The following IMPG1 variants were observed in gnomAD, a reference collection of about 807,000 sequenced individuals.
IMPG1 encodes interphotoreceptor matrix proteoglycan of 150 kDa.
IMPG1 carries 85 observed loss-of-function variants against 92.0 expected under a neutral mutation model. The ratio of observed to expected loss-of-function variants is 0.92; its 90% CI spans 0.78 to 1.11. IMPG1 has a LOEUF of 1.11. Ranked by LOEUF, IMPG1 falls within the 50% of genes least tolerant of loss-of-function variation. The pLI, the probability that IMPG1 is intolerant of heterozygous loss-of-function variation, is 0.00. For synonymous variants in IMPG1, 367 were observed against 334.1 expected, an observed-to-expected ratio of 1.10 and a Z score of -1.08; for missense variants, 1,022 against 956.0, an observed-to-expected ratio of 1.07 and a Z score of -0.91.
intron 12 of IMPG1, among the ~76,000 whole-genome samples, chr6:75,979,346 T>C (rs1202854728): frequency 6.6e-6 from 1 of 152,130 alleles, no homozygotes; most frequent in African/African-American, 2.4e-5. Flanking sequence ...ATATGTTGTG[T>C]AGAGGTGGAT....
chr6:76,047,712 T>A (rs930852453), intron 1 of IMPG1, among the ~76,000 whole-genome samples: 4 of 152,202 alleles, frequency 2.6e-5, no homozygotes, highest in African/African-American at 9.6e-5. Context: ...TGTGTGGAAA[T>A]ATTAATGGGA....
chr6:75,997,345 CTT>C (rs1782919742), intron 12 of IMPG1, among the ~76,000 whole-genome samples: 1 of 152,214 alleles, frequency 6.6e-6, no homozygotes, highest in African/African-American at 2.4e-5. Context: ...TCTTAAAACT[CTT>C]TCAAGTCTTA....
intron 12 of IMPG1, among the ~76,000 whole-genome samples, chr6:75,971,121 T>C (rs1273407676): frequency 6.6e-6 from 1 of 152,068 alleles, no homozygotes; most frequent in African/African-American, 2.4e-5. Flanking sequence ...ATATACACCA[T>C]GGAATACTAT....
intron 1 of IMPG1, among the ~76,000 whole-genome samples, chr6:76,068,510 C>CCT (rs1784349385): frequency 9.1e-6 from 1 of 110,194 alleles, no homozygotes; most frequent in African/African-American, 3.5e-5. Context: ...AATGTCCATA[C>CCT]TTTTTTTTTT....
intron 1 of IMPG1, among the ~76,000 whole-genome samples, chr6:76,063,375 A>G (rs1182303712): frequency 6.6e-6 from 1 of 152,178 alleles, no homozygotes; most frequent in Non-Finnish European, 1.5e-5. Context: ...ACAGGAAAAG[A>G]AGGAAGCAAG....
At chr6:75,947,254 G>C in intron 14 of IMPG1, 60 bp downstream of exon 14, 2 of 1,308,766 alleles carry the variant, frequency 1.5e-6, no homozygotes, top group East Asian at 2.4e-5. Flanking sequence ...CTTAAAAACA[G>C]AACGAAATTA....
intron 2 of IMPG1, among the ~76,000 whole-genome samples, chr6:76,041,381 G>A (rs970031306): frequency 1.3e-5 from 2 of 152,130 alleles, no homozygotes; most frequent in Non-Finnish European, 2.9e-5. Flanking sequence ...CTCTTTATTT[G>A]TTTCTCCTCT....
intron 5 of IMPG1, among the ~76,000 whole-genome samples, chr6:76,023,460 A>T (rs1403890121): frequency 1.3e-5 from 2 of 152,200 alleles, no homozygotes; most frequent in African/African-American, 2.4e-5. Flanking sequence ...AAGATAAATT[A>T]TTCACATACT....
chr6:75,980,761 T>C (rs1474090512), intron 12 of IMPG1, among the ~76,000 whole-genome samples: 1 of 152,220 alleles, frequency 6.6e-6, no homozygotes, highest in Non-Finnish European at 1.5e-5. Context: ...TCTTCCTTGC[T>C]CCTCAACTTG....
At chr6:75,997,023 T>G (rs1782912770) in intron 12 of IMPG1, among the ~76,000 whole-genome samples, 1 of 152,238 alleles carries the variant, frequency 6.6e-6, no homozygotes, top group African/African-American at 2.4e-5. Flanking sequence ...ACTGAAATTC[T>G]GAAGGACATA....
intron 1 of IMPG1, among the ~76,000 whole-genome samples, chr6:76,051,634 G>A (rs1480472791): frequency 1.3e-5 from 2 of 152,170 alleles, no homozygotes; most frequent in Non-Finnish European, 2.9e-5. Context: ...CAGCATGCAT[G>A]CTGATTATCA....
intron 5 of IMPG1, 46 bp from the exon 6 acceptor site, chr6:76,022,265 A>T (rs778935268): frequency 1.9e-6 from 2 of 1,060,500 alleles, no homozygotes; most frequent in South Asian, 2.6e-5. Context: ...AGAATGGAGG[A>T]GTTTAAATTA....
intron 1 of IMPG1, among the ~76,000 whole-genome samples, chr6:76,050,722 T>C (rs1365673077): frequency 6.6e-6 from 1 of 152,210 alleles, no homozygotes; most frequent in Admixed American, 6.6e-5. Flanking sequence ...ATTCTCTTTC[T>C]TGGCTACATA....
At chr6:76,069,600 T>A (rs964441806) in intron 1 of IMPG1, among the ~76,000 whole-genome samples, 3 of 152,136 alleles carry the variant, frequency 2.0e-5, no homozygotes, top group African/African-American at 7.2e-5. Flanking sequence ...AACTACCATT[T>A]GACCCAGCAA....
At chr6:76,028,609 C>G (rs1163096099) in intron 4 of IMPG1, among the ~76,000 whole-genome samples, 1 of 152,182 alleles carries the variant, frequency 6.6e-6, no homozygotes, top group Non-Finnish European at 1.5e-5. Context: ...GCGGGTGGAT[C>G]ACAAGGTCAG....
chr6:75,963,543 G>A (rs1173120062), intron 12 of IMPG1, among the ~76,000 whole-genome samples: 2 of 152,132 alleles, frequency 1.3e-5, no homozygotes, highest in African/African-American at 2.4e-5. Flanking sequence ...AGAGTTAGAC[G>A]CTCCAAAAGT....
intron 12 of IMPG1, among the ~76,000 whole-genome samples, chr6:75,977,611 A>C (rs9352253): frequency 0.46 from 68,753 of 149,762 alleles, 16,267 homozygotes; most frequent in East Asian, 0.72. Flanking sequence ...ACAAAAAAAA[A>C]CCCCCAAAAA....
At chr6:76,034,462 AT>A (rs1783701177) in intron 3 of IMPG1, 119 bp from the exon 4 acceptor site, 1 of 1,214,322 alleles carries the variant, frequency 8.2e-7, no homozygotes. Flanking sequence ...GTACCATATT[AT>A]TTTGCAAGAA....
In IMPG1 at chr6:76,034,649, G is replaced by A. The variant is rs1293334892; in HGVS notation, c.440C>T (p.Ser147Phe). 4 of 1,614,024 alleles carry A rather than the reference G, an allele frequency of 2.5e-6. No homozygotes were observed. The East Asian group carries it at 6.7e-5, about 27-fold the overall frequency. ...CTGGAGAAGATCCAGGTGCTCCTGG[G>A]AATTGCTGAAGTTTTTTCCAATGTC... ...LFDIGKNFSN[S>F]QEHLDLLQQR... Residue 147 changes from serine to phenylalanine, a missense_variant, in exon 3 of 17, where the codon TCC (serine) becomes TTC (phenylalanine). This residue lies in a region of IMPG1 where 681 missense variants were observed against 583.6 expected (regional missense o/e 1.17). Transcript: ENST00000369950.
Sources: allele counts gnomAD v4.1 joint callset (sites outside exome capture counted in the v4.1 genomes callset), GRCh38; gene constraint gnomAD v4.1.1; regional missense constraint gnomAD v4.1.1; transcripts MANE v1.5; gene names NCBI Gene and HGNC (gene_info 2026-07-23, HGNC 2026-07-21).